ERC2: variants seen among roughly 807,000 people sequenced by gnomAD.
ERC2 encodes ERC protein 2.
ERC2 carries 42 observed loss-of-function variants against 114.8 expected under a neutral mutation model. The observed-to-expected ratio is 0.37, with a 90% CI of 0.29 to 0.47. The LOEUF (loss-of-function observed/expected upper bound fraction) is 0.47. ERC2 is among the 20% of genes least tolerant of loss of function. The pLI, the probability that ERC2 is intolerant of heterozygous loss-of-function variation, is 0.99. For synonymous variants in ERC2, 454 were observed against 425.5 expected, an observed-to-expected ratio of 1.07 and a Z score of -0.82; for missense variants, 939 against 1,150.7, an observed-to-expected ratio of 0.82 and a Z score of 2.66.
intron 15 of ERC2, among the ~76,000 whole-genome samples, chr3:55,727,204 A>G (rs1006205929): frequency 2.6e-5 from 4 of 152,218 alleles, no homozygotes; most frequent in African/African-American, 9.7e-5. Flanking sequence ...CAAGACACCA[A>G]AAAAGGAAAG....
rs145507723 is a variant in ERC2 at position 55,678,201 on chromosome 3, T to C, written c.*39+5593A>G. On this transcript the variant is annotated intron_variant, in intron 17 of 17. Coordinates refer to ENST00000288221, the MANE Select transcript of ERC2 (RefSeq NM_015576.3). ...CAATTGGAAGTAGGCAGAGACATTG[T>C]CATGGTGGTTCTAAAACACCTCGTA... Among the ~76,000 whole-genome samples, 6 of 152,330 alleles carry C rather than the reference T, an allele frequency of 3.9e-5. No individual in the cohort carries two copies. The East Asian group carries it at 9.6e-4, about 24-fold the overall frequency.
intron 6 of ERC2, among the ~76,000 whole-genome samples, chr3:56,103,075 A>G (rs2078446779): frequency 6.6e-6 from 1 of 152,098 alleles, no homozygotes; most frequent in Non-Finnish European, 1.5e-5. Flanking sequence ...GAGAGTCCTA[A>G]GGGGATGCAG....
intron 12 of ERC2, chr3:55,955,248 TTGTG>T (rs60633794): frequency 0.014 from 4,881 of 360,396 alleles, 33 homozygotes; most frequent in African/African-American, 0.029. Flanking sequence ...GGTGGTGTGT[TTGTG>T]TGTGTGTGTG....
intron 8 of ERC2, among the ~76,000 whole-genome samples, chr3:56,012,504 C>A (rs2073026252): frequency 6.6e-6 from 1 of 151,978 alleles, no homozygotes; most frequent in Non-Finnish European, 1.5e-5. Flanking sequence ...ATCTGGCATA[C>A]AACAAGCAAT....
intron 14 of ERC2, among the ~76,000 whole-genome samples, chr3:55,808,228 G>A (rs1174960000): frequency 1.3e-5 from 2 of 152,120 alleles, no homozygotes; most frequent in Non-Finnish European, 2.9e-5. Context: ...GCTCAATGGG[G>A]CCTAGTGACC....
chr3:56,345,356 G>A (rs1475753500), intron 2 of ERC2, among the ~76,000 whole-genome samples: 6 of 152,210 alleles, frequency 3.9e-5, no homozygotes, highest in Non-Finnish European at 8.8e-5. Context: ...CTCTGATGGG[G>A]CTTACAGTCT....
chr3:56,441,755 T>C (rs1037909641), intron 1 of ERC2, among the ~76,000 whole-genome samples: 1 of 152,178 alleles, frequency 6.6e-6, no homozygotes, highest in African/African-American at 2.4e-5. Context: ...CCATGTTGGC[T>C]AGGCTGGTCT....
At chr3:55,732,483 C>T (rs2065314000) in intron 15 of ERC2, among the ~76,000 whole-genome samples, 2 of 152,146 alleles carry the variant, frequency 1.3e-5, no homozygotes, top group Admixed American at 1.3e-4. Context: ...AAATGTACCC[C>T]ATGACACCAA....
At chr3:55,679,877 A>G (rs564747852) in intron 17 of ERC2, among the ~76,000 whole-genome samples, 2 of 152,280 alleles carry the variant, frequency 1.3e-5, no homozygotes, top group Non-Finnish European at 2.9e-5. Context: ...CAGGACAAGC[A>G]CAGGCCTAGT....
intron 12 of ERC2, among the ~76,000 whole-genome samples, chr3:55,967,373 G>C (rs2068819434): frequency 6.6e-6 from 1 of 152,072 alleles, no homozygotes; most frequent in East Asian, 1.9e-4. Context: ...GCAGAAAAAA[G>C]GAACTGATTT....
chr3:56,014,908 T>C (rs1049933920), intron 8 of ERC2, among the ~76,000 whole-genome samples: 2 of 152,144 alleles, frequency 1.3e-5, no homozygotes, highest in Non-Finnish European at 2.9e-5. Flanking sequence ...GCTCTGGAAA[T>C]AAATTATTAA....
intron 6 of ERC2, among the ~76,000 whole-genome samples, chr3:56,113,676 A>G (rs9311596): frequency 0.17 from 25,494 of 152,212 alleles, 2,305 homozygotes; most frequent in African/African-American, 0.21. Flanking sequence ...TTCCGACACT[A>G]TCTACTCAGA....
chr3:55,667,848 G>C (rs2061414192), intron 17 of ERC2, among the ~76,000 whole-genome samples: 1 of 152,224 alleles, frequency 6.6e-6, no homozygotes, highest in Non-Finnish European at 1.5e-5. Context: ...GAAGTGGGCA[G>C]TTTGCCCCTG....
chr3:55,833,645 C>A lies in ERC2; in HGVS notation c.2564+54744G>T, dbSNP rs1303391089. Among the ~76,000 whole-genome samples the A allele has an allele frequency of 3.9e-5, 6 of 152,334 alleles. No individual in the cohort carries two copies. In the East Asian group the frequency reaches 1.2e-3, roughly 29 times the overall value. On this transcript the variant is annotated intron_variant, in intron 14 of 17. Transcript: ENST00000288221. ...GGAAAGGAACAACTGGTACCAACCA[C>A]TGCAAAATCATGCCAAATTGTAAAG... is the stretch of plus-strand genomic sequence containing the variant.
At chr3:56,367,937 T>A (rs1161457306) in intron 2 of ERC2, among the ~76,000 whole-genome samples, 2 of 107,826 alleles carry the variant, frequency 1.9e-5, no homozygotes, top group East Asian at 5.5e-4. Flanking sequence ...AGAGACTCCA[T>A]CTCTCTTTAA....
chr3:56,459,051 A>T (rs1050993665), intron 1 of ERC2, among the ~76,000 whole-genome samples: 3 of 152,072 alleles, frequency 2.0e-5, no homozygotes, highest in Admixed American at 6.5e-5. Context: ...GACCGCCCTA[A>T]CCTCACATCT....
At chr3:56,287,152 C>T (rs2054776000) in intron 3 of ERC2, among the ~76,000 whole-genome samples, 1 of 152,142 alleles carries the variant, frequency 6.6e-6, no homozygotes, top group African/African-American at 2.4e-5. Context: ...ATTAGAAGAG[C>T]AATGAAATGC....
intron 2 of ERC2, among the ~76,000 whole-genome samples, chr3:56,321,443 A>G (rs968893920): frequency 2.6e-5 from 4 of 152,210 alleles, no homozygotes; most frequent in African/African-American, 9.7e-5. Flanking sequence ...GGCACTGTAA[A>G]AGTTTAAAGA....
intron 13 of ERC2, among the ~76,000 whole-genome samples, chr3:55,912,082 T>C (rs1473444990): frequency 6.6e-6 from 1 of 152,158 alleles, no homozygotes; most frequent in African/African-American, 2.4e-5. Flanking sequence ...AGTTTCCTCA[T>C]TGGTGGTGGT....
Sources: allele counts gnomAD v4.1 joint callset (sites outside exome capture counted in the v4.1 genomes callset), GRCh38; gene constraint gnomAD v4.1.1; transcripts MANE v1.5; gene names NCBI Gene and HGNC (gene_info 2026-07-23, HGNC 2026-07-21).